Variants in ALDH1A2 observed in about 807,000 individuals in gnomAD.
The protein encoded by ALDH1A2 is aldehyde dehydrogenase 1 family member A2, also known as retinal dehydrogenase 2.
In ALDH1A2, 27 loss-of-function variants were observed where a neutral mutation model predicts 60.3. The ratio of observed to expected loss-of-function variants is 0.45; its 90% CI spans 0.33 to 0.62. ALDH1A2 has a LOEUF of 0.62. Among genes scored for constraint, ALDH1A2 ranks in the 20% least tolerant of loss-of-function variants. The pLI, the probability that ALDH1A2 is intolerant of heterozygous loss-of-function variation, is 0.02. For synonymous variants in ALDH1A2, 289 were observed against 232.4 expected (o/e 1.24, Z -2.21); for missense variants, 581 against 643.8 (o/e 0.90, Z 1.06).
In ALDH1A2 at chr15:57,961,177, C is replaced by T. The variant is rs373880063; in HGVS notation, c.1369G>A (p.Ala457Thr). ...TGCATTGCAGAAGACACTGTGAGGGCCTTGTTGATGTCATTAGTAAAGACA... is the reference window on the plus strand; with the variant it reads ...TGCATTGCAGAAGACACTGTGAGGGTCTTGTTGATGTCATTAGTAAAGACA... The part of the protein sequence containing the change: ...AAVFTNDINK[A>T]LTVSSAMQAG... The change falls in exon 11 of 13, where the codon GCC becomes ACC. Residue 457 changes from alanine (A) to threonine (T), a missense_variant. Ala to Thr is a moderately conservative substitution (Grantham distance 58, BLOSUM62 0). This residue lies in a region of ALDH1A2 where 375 missense variants were observed against 469.7 expected (regional missense o/e 0.80). Coordinates refer to ENST00000249750, the MANE Select transcript of ALDH1A2 (RefSeq NM_003888.4). 2 of 1,613,984 alleles carry T rather than the reference C, an allele frequency of 1.2e-6. No individual in the cohort carries two copies. The highest frequency in any genetic ancestry group is 1.1e-5 in the South Asian group (1 of 91,080).
chr15:58,022,668 C>T (rs570659981), intron 1 of ALDH1A2, among the ~76,000 whole-genome samples: 11 of 152,304 alleles, frequency 7.2e-5, no homozygotes, highest in Non-Finnish European at 1.2e-4. Context: ...TACCTGGCAT[C>T]CCAGTCCTCA....
intron 7 of ALDH1A2, among the ~76,000 whole-genome samples, chr15:57,970,061 A>T (rs1457202123): frequency 6.6e-6 from 1 of 152,244 alleles, no homozygotes; most frequent in Non-Finnish European, 1.5e-5. Flanking sequence ...TGAAGGAGTT[A>T]AAAAAGACAG....
In ALDH1A2 at chr15:58,014,147, T is replaced by C. The variant is rs145997636; in HGVS notation, c.222+30A>G. 309 of 1,614,134 alleles carry C rather than the reference T, an allele frequency of 1.9e-4. 2 individuals are homozygous for C. In the East Asian group the frequency reaches 4.5e-3, roughly 24 times the overall value. On this transcript the variant is annotated intron_variant, in intron 2 of 12. Coordinates refer to ENST00000249750, the MANE Select transcript of ALDH1A2 (RefSeq NM_003888.4). ...CTGCTGTTTGAAGGCAGTTATTTCA[T>C]AGGAAATCTTTTATCTACAAAAGAC...
intron 1 of ALDH1A2, among the ~76,000 whole-genome samples, chr15:58,055,092 T>C (rs890798688): frequency 6.6e-6 from 1 of 152,092 alleles, no homozygotes; most frequent in East Asian, 1.9e-4. Flanking sequence ...ATAGTCCAAA[T>C]TGTATTGTCT....
At position 58,003,676 on chromosome 15, in the gene ALDH1A2, G is replaced by A. The variant is rs571753184; in HGVS notation, c.493+6973C>T. Among the ~76,000 whole-genome samples the A allele has an allele frequency of 1.4e-4, 22 of 151,908 alleles. No individual in the cohort carries two copies. In the South Asian group the frequency reaches 4.2e-3, roughly 29 times the overall value. ...CTCCCTAAGTAAATGAAAACCAAGC[G>A]TTGATCCTTCCTTCATCACAAAGAG... On this transcript the variant is annotated intron_variant, in intron 4 of 12. Coordinates refer to ENST00000249750, the MANE Select transcript of ALDH1A2 (RefSeq NM_003888.4).
chr15:57,995,595 A>C (rs530648154), intron 4 of ALDH1A2, among the ~76,000 whole-genome samples: 1 of 152,262 alleles, frequency 6.6e-6, no homozygotes, highest in South Asian at 2.1e-4. Context: ...CGGCAACTGG[A>C]AAAAGTGAGG....
intron 4 of ALDH1A2, among the ~76,000 whole-genome samples, chr15:58,000,904 A>G (rs1166104439): frequency 2.6e-5 from 4 of 151,804 alleles, no homozygotes; most frequent in Non-Finnish European, 5.9e-5. Context: ...ATGATGCCCT[A>G]TGGTTGCTTC....
intron 1 of ALDH1A2, among the ~76,000 whole-genome samples, chr15:58,027,340 GCATCAA>G (rs1896108303): frequency 6.6e-6 from 1 of 152,090 alleles, no homozygotes; most frequent in Non-Finnish European, 1.5e-5. Flanking sequence ...GAAAGGAATA[GCATCAA>G]CATCAACAAA....
At chr15:57,967,188 T>A (rs1893925345) in intron 7 of ALDH1A2, among the ~76,000 whole-genome samples, 1 of 144,938 alleles carries the variant, frequency 6.9e-6, no homozygotes, top group Non-Finnish European at 1.5e-5. Flanking sequence ...TTTTTTTTTT[T>A]AACCAGTTCT....
chr15:58,002,667 ACT>A (rs202075471), intron 4 of ALDH1A2, among the ~76,000 whole-genome samples: 4,481 of 152,014 alleles, frequency 0.029, 156 homozygotes, highest in African/African-American at 0.081. Context: ...CACTACAAGA[ACT>A]GTAGCAAATT....
intron 1 of ALDH1A2, among the ~76,000 whole-genome samples, chr15:58,050,551 T>C (rs1409927894): frequency 2.0e-5 from 3 of 152,178 alleles, no homozygotes; most frequent in Non-Finnish European, 4.4e-5. Context: ...TCATGGATGT[T>C]GTATGTGTTC....
At chr15:58,029,478 A>C (rs2140537890) in intron 1 of ALDH1A2, among the ~76,000 whole-genome samples, 1 of 152,256 alleles carries the variant, frequency 6.6e-6, no homozygotes. Context: ...CATCACAATT[A>C]AAAGAACTAG....
chr15:57,997,809 G>A (rs1319483244), intron 4 of ALDH1A2, among the ~76,000 whole-genome samples: 4 of 151,890 alleles, frequency 2.6e-5, no homozygotes, highest in Admixed American at 1.3e-4. Context: ...TGGATAAACC[G>A]TTCACATATT....
intron 7 of ALDH1A2, among the ~76,000 whole-genome samples, chr15:57,974,432 C>CAAAAAA (rs61170362): frequency 1.8e-4 from 17 of 96,676 alleles, no homozygotes; most frequent in African/African-American, 3.2e-4. Context: ...GACTCCATCT[C>CAAAAAA]AAAAAAAAAA....
At chr15:58,062,492 A>G (rs1897065899) in intron 1 of ALDH1A2, among the ~76,000 whole-genome samples, 1 of 152,240 alleles carries the variant, frequency 6.6e-6, no homozygotes. Flanking sequence ...TATTCCTATA[A>G]TATCAGTTAT....
chr15:58,036,223 C>A (rs1896374126), intron 1 of ALDH1A2, among the ~76,000 whole-genome samples: 1 of 151,436 alleles, frequency 6.6e-6, no homozygotes, highest in Admixed American at 6.6e-5. Context: ...CACAAAGTCC[C>A]AGGATACAAG....
At chr15:58,002,864 T>A (rs749265422) in intron 4 of ALDH1A2, among the ~76,000 whole-genome samples, 2 of 151,878 alleles carry the variant, frequency 1.3e-5, no homozygotes. Context: ...TATTCCATTA[T>A]GTATGTACTG....
chr15:58,026,194 A>T (rs1323759764), intron 1 of ALDH1A2, among the ~76,000 whole-genome samples: 3 of 152,168 alleles, frequency 2.0e-5, no homozygotes, highest in Non-Finnish European at 4.4e-5. Context: ...ATACTAACAA[A>T]CCTAAATCAA....
chr15:57,971,384 G>A (rs1271266883), intron 7 of ALDH1A2, among the ~76,000 whole-genome samples: 2 of 152,118 alleles, frequency 1.3e-5, no homozygotes, highest in Non-Finnish European at 2.9e-5. Context: ...TTGTTTAATA[G>A]CTGTCTCCCC....
Sources: allele counts gnomAD v4.1 joint callset (sites outside exome capture counted in the v4.1 genomes callset), GRCh38; gene constraint gnomAD v4.1.1; regional missense constraint gnomAD v4.1.1; transcripts MANE v1.5; gene names NCBI Gene and HGNC (gene_info 2026-07-23, HGNC 2026-07-21).